Variants in SLC30A8 observed in about 807,000 individuals in gnomAD.
SLC30A8 encodes the protein proton-coupled zinc antiporter SLC30A8.
Under a neutral mutation model 36.9 loss-of-function variants are expected in SLC30A8, and 27 were observed. The observed-to-expected ratio is 0.73, with a 90% CI of 0.54 to 1.01. The LOEUF (loss-of-function observed/expected upper bound fraction) is 1.01. Ranked by LOEUF, SLC30A8 falls within the 50% of genes least tolerant of loss-of-function variation. SLC30A8 has a pLI of 0.00. For missense variants in SLC30A8, 439 were observed against 452.0 expected (o/e 0.97, Z 0.26); for synonymous variants, 164 against 172.4 (o/e 0.95, Z 0.38).
chr8:117,084,760 C>G (rs1818808399), intron 2 of SLC30A8, among the ~76,000 whole-genome samples: 1 of 152,136 alleles, frequency 6.6e-6, no homozygotes, highest in Non-Finnish European at 1.5e-5. Context: ...AGACTTACAA[C>G]TAGTTTCTAC....
At chr8:117,158,511 G>T (rs1337532933) in intron 4 of SLC30A8, among the ~76,000 whole-genome samples, 2 of 152,170 alleles carry the variant, frequency 1.3e-5, no homozygotes, top group African/African-American at 4.8e-5. Flanking sequence ...CATTGTGACT[G>T]CATGAAAATT....
At chr8:116,983,704 C>A (rs1815350287) in intron 1 of SLC30A8, among the ~76,000 whole-genome samples, 1 of 152,026 alleles carries the variant, frequency 6.6e-6, no homozygotes, top group African/African-American at 2.4e-5. Context: ...TTTTTCCCCT[C>A]TACTATTTTA....
At chr8:117,025,292 T>C (rs1296311995) in intron 1 of SLC30A8, among the ~76,000 whole-genome samples, 1 of 150,266 alleles carries the variant, frequency 6.7e-6, no homozygotes, top group East Asian at 2.0e-4. Context: ...AAATGCTGGA[T>C]TAAATAAAAT....
At chr8:117,083,375 C>T (rs1818738925) in intron 2 of SLC30A8, among the ~76,000 whole-genome samples, 1 of 152,308 alleles carries the variant, frequency 6.6e-6, no homozygotes, top group South Asian at 2.1e-4. Flanking sequence ...GTCATAACCT[C>T]TCTCTGGGGT....
At chr8:117,006,505 T>C (rs891568690) in intron 1 of SLC30A8, among the ~76,000 whole-genome samples, 4 of 152,196 alleles carry the variant, frequency 2.6e-5, no homozygotes, top group African/African-American at 7.2e-5. Context: ...CTTTCTGTTA[T>C]GTTTTACTGG....
rs574095673 is a variant in SLC30A8, at chr8:117,083,133, G to A, written c.-226+43875G>A. 3.3e-5 allele frequency among the ~76,000 whole-genome samples: 5 copies of A among 152,228 alleles called. No homozygotes were observed. In the East Asian group the frequency reaches 9.7e-4, roughly 29 times the overall value. On this transcript the variant is annotated intron_variant, in intron 2 of 10. Transcript: ENST00000427715. ...ACACTTCCCAGGTTCCTTCCAATTAGAATCATGTGACTCCTTTTGGTCATT... is the reference window on the plus strand; with the variant it reads ...ACACTTCCCAGGTTCCTTCCAATTAAAATCATGTGACTCCTTTTGGTCATT...
intron 2 of SLC30A8, among the ~76,000 whole-genome samples, chr8:117,043,222 T>G (rs1817444970): frequency 6.6e-6 from 1 of 152,228 alleles, no homozygotes; most frequent in Non-Finnish European, 1.5e-5. Context: ...TTTTTTGGGA[T>G]TCTAGCATGC....
chr8:117,121,270 G>T (rs1336894402), intron 2 of SLC30A8, among the ~76,000 whole-genome samples: 1 of 151,918 alleles, frequency 6.6e-6, no homozygotes, highest in Non-Finnish European at 1.5e-5. Flanking sequence ...AATGGATAAT[G>T]AAAACATGGT....
At chr8:117,044,322 G>T (rs181876575) in intron 2 of SLC30A8, among the ~76,000 whole-genome samples, 1 of 152,224 alleles carries the variant, frequency 6.6e-6, no homozygotes, top group Non-Finnish European at 1.5e-5. Context: ...AAATGACTGA[G>T]TACACATTGG....
At chr8:116,957,396 G>A (rs1325842304) in intron 1 of SLC30A8, among the ~76,000 whole-genome samples, 2 of 151,858 alleles carry the variant, frequency 1.3e-5, no homozygotes, top group Non-Finnish European at 2.9e-5. Flanking sequence ...TCAGCCTCTC[G>A]AGTAGCTGGG....
Position 117,173,218 on chromosome 8 carries a change from A to T in SLC30A8, c.*537A>T, listed in dbSNP as rs967904395. The T allele has an allele frequency of 5.2e-5, 8 of 152,748 alleles. No individual in the cohort carries two copies. Among genetic ancestry groups the T allele is most frequent in the African/African-American group, 1.9e-4 (8 of 41,446 alleles). The allele number at this position is 152,748 out of a possible 1,614,324, so 9.5% of individuals were successfully genotyped here. A position where few individuals can be genotyped will look rare whatever the true frequency, so the allele number is the denominator to read the frequency against. On this transcript the variant is annotated 3_prime_UTR_variant, in exon 8 of 8. Coordinates refer to ENST00000456015, the MANE Select transcript of SLC30A8 (RefSeq NM_173851.3). ...TTTCTACTCTGAATTGGAAATATGT[A>T]TGAATATACAGAGAAGTGCTTACAA...
chr8:117,003,784 T>G (rs1816088954), intron 1 of SLC30A8, among the ~76,000 whole-genome samples: 1 of 152,224 alleles, frequency 6.6e-6, no homozygotes, highest in Non-Finnish European at 1.5e-5. Context: ...ACTAATTTAT[T>G]TACGATAATT....
intron 1 of SLC30A8, among the ~76,000 whole-genome samples, chr8:116,993,763 T>G (rs1815725404): frequency 6.6e-6 from 1 of 151,898 alleles, no homozygotes. Flanking sequence ...AAGACAAGAT[T>G]AGTAGCATGA....
intron 2 of SLC30A8, among the ~76,000 whole-genome samples, chr8:117,117,752 C>T (rs1030004514): frequency 2.6e-5 from 4 of 151,964 alleles, no homozygotes; most frequent in Non-Finnish European, 5.9e-5. Flanking sequence ...CTACCAGCAT[C>T]TCACGAACCA....
intron 2 of SLC30A8, among the ~76,000 whole-genome samples, chr8:117,126,427 G>T (rs1820905869): frequency 6.6e-6 from 1 of 151,840 alleles, no homozygotes; most frequent in Non-Finnish European, 1.5e-5. Context: ...GGTTCAGAAA[G>T]ATTTTGATTA....
intron 1 of SLC30A8, among the ~76,000 whole-genome samples, chr8:117,026,142 A>G (rs1816864288): frequency 6.6e-6 from 1 of 152,204 alleles, no homozygotes; most frequent in South Asian, 2.1e-4. Flanking sequence ...GTTGATTGCA[A>G]TCCCCTGGCT....
At chr8:116,955,183 A>G (rs1444229161) in intron 1 of SLC30A8, among the ~76,000 whole-genome samples, 1 of 152,224 alleles carries the variant, frequency 6.6e-6, no homozygotes, top group Non-Finnish European at 1.5e-5. Context: ...TCCAAAATAG[A>G]TGTCCACCTA....
rs542919537 is a variant in SLC30A8 at position 117,135,030 on chromosome 8, A to G, written c.-298A>G. On this transcript the variant is annotated 5_prime_UTR_variant, in exon 1 of 8. Transcript: ENST00000456015. The stretch of plus-strand genomic sequence containing the variant: ...GCTCCTCTACCTCTTAGAAAGCACA[A>G]TTGAATCAGATATCATATGAAAGAC... 1.3e-4 allele frequency: 30 copies of G among 232,500 alleles called. No individual in the cohort carries two copies. In the South Asian group the frequency reaches 2.8e-3, roughly 22 times the overall value. 14.4% of individuals were successfully genotyped at this position (232,500 alleles called of 1,614,324 possible). A position where few individuals can be genotyped will look rare whatever the true frequency, so the allele number is the denominator to read the frequency against.
chr8:117,160,403 T>TTGTGTGTGTGTGTG (rs71569723), intron 4 of SLC30A8, among the ~76,000 whole-genome samples: 66 of 145,900 alleles, frequency 4.5e-4, no homozygotes, highest in Non-Finnish European at 7.5e-4. Flanking sequence ...AATTTTCCAC[T>TTGTGTGTGTGTGTG]TGTGTGTGTG....
Sources: allele counts gnomAD v4.1 joint callset (sites outside exome capture counted in the v4.1 genomes callset), GRCh38; gene constraint gnomAD v4.1.1; transcripts MANE v1.5; gene names NCBI Gene and HGNC (gene_info 2026-07-23, HGNC 2026-07-21).